The following CLDND1 variants were observed in gnomAD, a reference collection of about 807,000 sequenced individuals.
The protein encoded by CLDND1 is claudin domain-containing protein 1.
CLDND1 carries 13 observed loss-of-function variants against 26.3 expected under a neutral mutation model. That is an observed-to-expected ratio of 0.49 (90% CI 0.32 to 0.78). The LOEUF (loss-of-function observed/expected upper bound fraction) is 0.78, where lower values mean the gene tolerates loss of function less well. Ranked by LOEUF, CLDND1 falls within the 30% of genes least tolerant of loss-of-function variation. CLDND1 has a pLI of 0.03. For missense variants in CLDND1, 289 were observed against 312.8 expected, an observed-to-expected ratio of 0.92 and a Z score of 0.57; for synonymous variants, 107 against 107.0, an observed-to-expected ratio of 1.00 and a Z score of 0.00.
chr3:98,522,121 A>T (rs1244347432), intron 1 of CLDND1: 1 of 168,616 alleles, frequency 5.9e-6, no homozygotes, highest in East Asian at 1.7e-4. Context: ...ACTCCTATCT[A>T]CTCTCCCGAT....
chr3:98,521,223 G>C lies in CLDND1; in HGVS notation c.202C>G (p.Leu68Val). The C allele has an allele frequency of 6.2e-7, 1 of 1,614,220 alleles. No homozygotes were observed. Among genetic ancestry groups the C allele is most frequent in the South Asian group, 1.1e-5 (1 of 91,086 alleles). The change falls in exon 2 of 5, where the codon CTT (leucine) becomes GTT (valine). Residue 68 changes from leucine to valine, a missense_variant. Transcript: ENST00000341181. ...EADEKTYNDA[L>V]FRYNGTVGLW... ...CCCACTGTGCCATTGTATCGAAAAA[G>C]TGCATCATTATAAGTCTTTTCATCT...
At chr3:98,519,788 C>G (rs972744778) in intron 2 of CLDND1, among the ~76,000 whole-genome samples, 9 of 152,196 alleles carry the variant, frequency 5.9e-5, no homozygotes, top group African/African-American at 2.2e-4. Flanking sequence ...CATGCTCCCG[C>G]CATAGAGCCT....
Position 98,522,782 on chromosome 3 carries a change from T to A in CLDND1, c.-19+67A>T. ...CCACGCCCGGGAAGGGGGCCCCTCTTCAAACCGCCGGGAACATGGAACCGC... is the reference window on the plus strand; with the variant it reads ...CCACGCCCGGGAAGGGGGCCCCTCTACAAACCGCCGGGAACATGGAACCGC... On this transcript the variant is annotated intron_variant, in intron 1 of 4. Transcript: ENST00000341181. The A allele has an allele frequency of 1.9e-6, 3 of 1,612,580 alleles. No individual in the cohort carries two copies. The South Asian group carries it at 3.3e-5, about 18-fold the overall frequency.
chr3:98,522,851 C>T lies in CLDND1; in HGVS notation c.-21G>A, dbSNP rs367934554. ...CGACGCAGGTCCCGCTCACTCACCG[C>T]CCATCCTCCTGCTCCGCCAGCTTCA... On this transcript the variant is annotated splice_region_variant and 5_prime_UTR_variant, in exon 1 of 5. Transcript: ENST00000341181. 1.2e-6 allele frequency: 2 copies of T among 1,613,816 alleles called. No homozygotes were observed. The highest frequency in any genetic ancestry group is 1.7e-6 in the Non-Finnish European group (2 of 1,179,758).
Position 98,516,003 on chromosome 3 carries a change from C to A in CLDND1, c.*656G>T. On this transcript the variant is annotated 3_prime_UTR_variant, in exon 5 of 5. Coordinates refer to ENST00000341181, the MANE Select transcript of CLDND1 (RefSeq NM_001040181.2). ...GAGTTAAAAATAATACTAATCCTCG[C>A]CCGGCTGAACTGGAATTCTTGCAGT... 1 of 1,164,842 alleles carries A rather than the reference C, an allele frequency of 8.6e-7. No homozygotes were observed. The highest frequency in any genetic ancestry group is 1.1e-6 in the Non-Finnish European group (1 of 930,218). The allele number at this position is 1,164,842 out of a possible 1,614,324, so 72.2% of individuals were successfully genotyped here.
chr3:98,521,818 G>A (rs1706426947), intron 1 of CLDND1: 5 of 835,648 alleles, frequency 6.0e-6, no homozygotes, highest in Non-Finnish European at 9.9e-6. Flanking sequence ...ATTTTTGCAC[G>A]AGCTGCAGAG....
In CLDND1 at chr3:98,516,681, A is replaced by G; in HGVS notation, c.740T>C (p.Met247Thr). Residue 247 changes from methionine (M) to threonine (T), a missense_variant, in exon 5 of 5, where the codon ATG (methionine) becomes ACG (threonine). Coordinates refer to ENST00000341181, the MANE Select transcript of CLDND1 (RefSeq NM_001040181.2). Reference protein sequence around the residue: ...AHTNRKEYTLMKAYRVA With the variant: ...AHTNRKEYTLTKAYRVA ...TGCTCATGCCACACGATATGCCTTCATTAAGGTGTACTCTTTCCGGTTGGT... is the reference window on the plus strand; with the variant it reads ...TGCTCATGCCACACGATATGCCTTCGTTAAGGTGTACTCTTTCCGGTTGGT... 1.2e-6 allele frequency: 2 copies of G among 1,614,182 alleles called. No individual in the cohort carries two copies. Among genetic ancestry groups the G allele is most frequent in the Non-Finnish European group, 1.7e-6 (2 of 1,180,016 alleles).
At chr3:98,517,533 A>C (rs1204042277) in intron 3 of CLDND1, among the ~76,000 whole-genome samples, 1 of 152,172 alleles carries the variant, frequency 6.6e-6, no homozygotes, top group Non-Finnish European at 1.5e-5. Context: ...CAACTAACCA[A>C]GGGTTAAAAA....
Position 98,522,831 on chromosome 3 carries a change from C to T in CLDND1, c.-19+18G>A. The T allele has an allele frequency of 6.2e-7, 1 of 1,613,780 alleles. No homozygotes were observed. The highest frequency in any genetic ancestry group is 8.5e-7 in the Non-Finnish European group (1 of 1,179,744). ...GCGACGCGACCCCTGCCCGGCGACGCAGGTCCCGCTCACTCACCGCCCATC... is the reference window on the plus strand; with the variant it reads ...GCGACGCGACCCCTGCCCGGCGACGTAGGTCCCGCTCACTCACCGCCCATC... On this transcript the variant is annotated intron_variant, in intron 1 of 4. Transcript: ENST00000341181.
chr3:98,519,008 C>A lies in CLDND1; in HGVS notation c.293-13G>T. 2 of 1,390,116 alleles carry A rather than the reference C, an allele frequency of 1.4e-6. No homozygotes were observed. Among genetic ancestry groups the A allele is most frequent in the Non-Finnish European group, 1.0e-6 (1 of 988,096 alleles). The allele number at this position is 1,390,116 out of a possible 1,614,324, so 86.1% of individuals were successfully genotyped here. ...ACATCAAATGACTCTGGAACAAGAACAATTGCCTGTTGTTTTAATTATAAA... is the reference window on the plus strand; with the variant it reads ...ACATCAAATGACTCTGGAACAAGAAAAATTGCCTGTTGTTTTAATTATAAA... On this transcript the variant is annotated splice_polypyrimidine_tract_variant and intron_variant, in intron 2 of 4. Coordinates refer to ENST00000341181, the MANE Select transcript of CLDND1 (RefSeq NM_001040181.2).
In CLDND1 at chr3:98,520,304, T is replaced by G. The variant is rs933687635; in HGVS notation, c.292+829A>C. Among the ~76,000 whole-genome samples the G allele has an allele frequency of 4.6e-5, 7 of 152,324 alleles. No individual in the cohort carries two copies. In the South Asian group the frequency reaches 8.3e-4, roughly 18 times the overall value. ...ATTTTACAATGAATTTTAACCAACT[T>G]TCTCTCCTTTCCTTCCAAATTATCT... On this transcript the variant is annotated intron_variant, in intron 2 of 4. Coordinates refer to ENST00000341181, the MANE Select transcript of CLDND1 (RefSeq NM_001040181.2).
At chr3:98,521,691 T>TGGGG in intron 1 of CLDND1, 1 of 1,613,062 alleles carries the variant, frequency 6.2e-7, no homozygotes. Context: ...TTCTCTAGTC[T>TGGGG]ATCACCTGCA....
At chr3:98,522,741 A>G in intron 1 of CLDND1, 108 bp downstream of exon 1, 1 of 1,596,746 alleles carries the variant, frequency 6.3e-7, no homozygotes, top group East Asian at 2.3e-5. Flanking sequence ...CGCCGCTCGG[A>G]ACCCGCCCAG....
chr3:98,521,078 GT>G, intron 2 of CLDND1, 54 bp downstream of exon 2: 1 of 1,480,608 alleles, frequency 6.8e-7, no homozygotes, highest in Non-Finnish European at 9.2e-7. Flanking sequence ...TCATTACGTC[GT>G]TTTGTCTATT....
chr3:98,522,804 CCGCGACGCGACCCCTGCCCGGCGACGCA>C lies in CLDND1; in HGVS notation c.-19+17_-19+44del. On this transcript the variant is annotated intron_variant, in intron 1 of 4. Coordinates refer to ENST00000341181, the MANE Select transcript of CLDND1 (RefSeq NM_001040181.2). ...TCTTCAAACCGCCGGGAACATGGAA[CCGCGACGCGACCCCTGCCCGGCGACGCA>C]GGTCCCGCTCACTCACCGCCCATCC... 1 of 1,613,582 alleles carries C rather than the reference CCGCGACGCGACCCCTGCCCGGCGACGCA, an allele frequency of 6.2e-7. No homozygotes were observed. Among genetic ancestry groups the C allele is most frequent in the Non-Finnish European group, 8.5e-7 (1 of 1,179,672 alleles).
chr3:98,521,498 A>G, intron 1 of CLDND1, 56 bp from the exon 2 acceptor site: 9 of 1,530,242 alleles, frequency 5.9e-6, no homozygotes, highest in Non-Finnish European at 8.1e-6. Context: ...AATAAGAAAG[A>G]TTATTTTGAA....
intron 3 of CLDND1, among the ~76,000 whole-genome samples, chr3:98,518,582 A>G (rs771241996): frequency 3.3e-5 from 5 of 152,216 alleles, no homozygotes; most frequent in African/African-American, 4.8e-5. Context: ...ATAGGAATGT[A>G]TAAGTTATCT....
At chr3:98,518,409 T>C (rs550061609) in intron 3 of CLDND1, among the ~76,000 whole-genome samples, 1 of 152,334 alleles carries the variant, frequency 6.6e-6, no homozygotes, top group East Asian at 1.9e-4. Flanking sequence ...TCCTAATAAA[T>C]ACTTTCATCT....
Position 98,516,416 on chromosome 3 carries a change from T to C in CLDND1, c.*243A>G, listed in dbSNP as rs971372367. ...TTCATAAATTTGTGTCAAGTCTCTA[T>C]CCATTTCTTTCTGTCTAGACCTAGA... On this transcript the variant is annotated 3_prime_UTR_variant, in exon 5 of 5. Coordinates refer to ENST00000341181, the MANE Select transcript of CLDND1 (RefSeq NM_001040181.2). 3 of 1,261,714 alleles carry C rather than the reference T, an allele frequency of 2.4e-6. No homozygotes were observed. Among genetic ancestry groups the C allele is most frequent in the Non-Finnish European group, 3.0e-6 (3 of 1,004,120 alleles). The allele number at this position is 1,261,714 out of a possible 1,614,324, so 78.2% of individuals were successfully genotyped here.
Sources: gnomAD v4.1 joint callset for allele counts (sites outside exome capture counted in the v4.1 genomes callset) on GRCh38, gnomAD v4.1.1 for gene constraint, MANE v1.5 for transcripts, NCBI Gene and HGNC (gene_info 2026-07-23, HGNC 2026-07-21) for gene names.